Variants in PLA2G4B observed in about 807,000 individuals in gnomAD.
PLA2G4B encodes the protein phospholipase A2 group IVB.
Under a neutral mutation model 95.8 loss-of-function variants are expected in PLA2G4B, and 122 were observed. The observed-to-expected ratio is 1.27, with a 90% CI of 1.10 to 1.48. The LOEUF (loss-of-function observed/expected upper bound fraction) is 1.48, where lower values mean the gene tolerates loss of function less well. Among genes scored for constraint, PLA2G4B ranks in the 40% most tolerant of loss-of-function variants. The probability of loss-of-function intolerance (pLI) is 0.00; values close to 1 mark genes in which losing one functional copy is unlikely to be tolerated. For synonymous variants in PLA2G4B, 518 were observed against 421.5 expected, an observed-to-expected ratio of 1.23 and a Z score of -2.80; for missense variants, 1,158 against 996.2, an observed-to-expected ratio of 1.16 and a Z score of -2.19.
intron 11 of PLA2G4B, 47 bp downstream of exon 11, chr15:41,843,858 T>C: frequency 6.2e-7 from 1 of 1,602,410 alleles, no homozygotes; most frequent in Non-Finnish European, 8.5e-7. Context: ...TGCTTGGGCC[T>C]AGCTCCTGGT....
chr15:41,845,090 G>T lies in PLA2G4B; in HGVS notation c.1239+20G>T. On this transcript the variant is annotated intron_variant, in intron 13 of 19. Transcript: ENST00000458483. ...GATGAGGTGCGGGGGCTGCGGCCTG[G>T]GGGCAGAGCCAGGGCAAGGGCTGGA... 6.3e-7 allele frequency: 1 copy of T among 1,595,812 alleles called. No individual in the cohort carries two copies. The highest frequency in any genetic ancestry group is 8.6e-7 in the Non-Finnish European group (1 of 1,169,014).
chr15:41,847,232 C>G (rs1043426054), intron 18 of PLA2G4B, 105 bp from the exon 19 acceptor site: 4 of 1,479,592 alleles, frequency 2.7e-6, no homozygotes, highest in Non-Finnish European at 2.7e-6. Flanking sequence ...CCACTGGAGA[C>G]CGTTTTGGCA....
rs1326155251 is a variant in PLA2G4B, at chr15:41,840,779, C to G, written c.225C>G (p.Val75=). The G allele has an allele frequency of 3.1e-6, 5 of 1,613,686 alleles. No homozygotes were observed. The highest frequency in any genetic ancestry group is 3.3e-5 in the Admixed American group (2 of 60,006). Residue 75 remains valine, a synonymous_variant, in exon 4 of 20, where the codon GTC becomes GTG. Transcript: ENST00000458483. Reference sequence around the variant, plus strand: ...GTCACTCTTTTCCCCTCCAGAATGTCATGGAACTGAAAGTCTTTGACCAGG... The same window carrying G: ...GTCACTCTTTTCCCCTCCAGAATGTGATGGAACTGAAAGTCTTTGACCAGG... ...HFRIHRQLKN[V]MELKVFDQDL... is the part of the protein sequence containing the mutation.
rs182231677 is a variant in PLA2G4B, at chr15:41,841,467, C to T, written c.436-50C>T. 9.0e-4 allele frequency: 1,446 copies of T among 1,613,444 alleles called. 13 individuals are homozygous for T. Among genetic ancestry groups the T allele is most frequent in the South Asian group, 6.6e-3 (600 of 91,042 alleles). Reference sequence around the variant, plus strand: ...GCCAGGGTGCTGCGAGGGTGGGGTCCCTGAATGGGGGGTGGGGTTAGTGTC... The same window carrying T: ...GCCAGGGTGCTGCGAGGGTGGGGTCTCTGAATGGGGGGTGGGGTTAGTGTC... On this transcript the variant is annotated intron_variant, in intron 6 of 19. Coordinates refer to ENST00000458483, the MANE Select transcript of PLA2G4B (RefSeq NM_001114633.2).
In PLA2G4B at chr15:41,845,876, G is replaced by A. The variant is rs2065533130; in HGVS notation, c.1496-67G>A. The A allele has an allele frequency of 5.9e-6, 9 of 1,517,980 alleles. 1 individual carries two copies. The South Asian group carries it at 1.2e-4, about 20-fold the overall frequency. The allele number at this position is 1,517,980 out of a possible 1,614,324, so 94.0% of individuals were successfully genotyped here. Reference sequence around the variant, plus strand: ...CAGAAGAGTTTCCTGGGCCAGGACTGGCCATGGGGAAGGGTAGGATTGGGA... The same window carrying A: ...CAGAAGAGTTTCCTGGGCCAGGACTAGCCATGGGGAAGGGTAGGATTGGGA... On this transcript the variant is annotated intron_variant, in intron 15 of 19. Transcript: ENST00000458483.
At chr15:41,846,169 A>G (rs757611844) in intron 16 of PLA2G4B, 34 bp from the exon 17 acceptor site, 3 of 1,602,390 alleles carry the variant, frequency 1.9e-6, no homozygotes, top group East Asian at 2.2e-5. Context: ...ATAAAGGTGC[A>G]GGAGTCCCCA....
At position 41,847,712 on chromosome 15, in the gene PLA2G4B, C is replaced by T. The variant is rs1162772174; in HGVS notation, c.2198C>T (p.Pro733Leu). Reference protein sequence around the residue: ...GEVNLSSSDSPYHYTKVTYSQ... With the variant: ...GEVNLSSSDSLYHYTKVTYSQ... ...GTGAACCTGTCTTCATCGGACTCTC[C>T]CTACCACTACACGAAGGTGACCTAC... Residue 733 changes from proline to leucine, a missense_variant, in exon 20 of 20, where the codon CCC (proline) becomes CTC (leucine). Pro to Leu is a moderately conservative substitution (Grantham distance 98). Transcript: ENST00000458483. 5 of 1,613,532 alleles carry T rather than the reference C, an allele frequency of 3.1e-6. No homozygotes were observed. In the African/African-American group the frequency reaches 6.7e-5, roughly 22 times the overall value.
At position 41,846,399 on chromosome 15, in the gene PLA2G4B, A is replaced by AAAGT. The variant is rs1555458616; in HGVS notation, c.1780+18_1780+21dup. The AAAGT allele has an allele frequency of 1.3e-6, 2 of 1,594,626 alleles. No homozygotes were observed. The highest frequency in any genetic ancestry group is 3.4e-5 in the Admixed American group (2 of 59,516). ...CATGGAAAGGTACCTGCTTCTCTCC[A>AAAGT]AAGTCCTCCTGTGGCCACCTGAGCC... On this transcript the variant is annotated intron_variant, in intron 17 of 19. Transcript: ENST00000458483.
chr15:41,840,142 T>C lies in PLA2G4B; in HGVS notation c.10-16T>C, dbSNP rs922658486. 2.1e-5 allele frequency: 34 copies of C among 1,611,038 alleles called. No homozygotes were observed. Among genetic ancestry groups the C allele is most frequent in the Non-Finnish European group, 2.8e-5 (33 of 1,178,550 alleles). On this transcript the variant is annotated splice_polypyrimidine_tract_variant and intron_variant, in intron 1 of 19. Transcript: ENST00000458483. Reference sequence around the variant, plus strand: ...TCATCGGCCCGTAGCAGGTCTCCCCTCTCCCACCTCTGCAGGCAGAGGTGT... The same window carrying C: ...TCATCGGCCCGTAGCAGGTCTCCCCCCTCCCACCTCTGCAGGCAGAGGTGT...
chr15:41,842,148 T>TCA, intron 8 of PLA2G4B, 45 bp from the exon 9 acceptor site: 1 of 1,609,348 alleles, frequency 6.2e-7, no homozygotes, highest in Non-Finnish European at 8.5e-7. Flanking sequence ...TTGCTAGGAG[T>TCA]GGAAGCGTAA....
intron 1 of PLA2G4B, 39 bp downstream of exon 1, chr15:41,838,961 C>T: frequency 6.6e-7 from 1 of 1,517,882 alleles, no homozygotes. Context: ...ACTGGGACCC[C>T]TGGTCTCTAC....
At position 41,846,362 on chromosome 15, in the gene PLA2G4B, C is replaced by CTCACT; in HGVS notation, c.1763_1767dup (p.Ser590ThrfsTer17). ...TTCCACAAAGACTACTTTCAGCATCCTCACTTCTCCACATGGAAAGGTACC... is the reference window on the plus strand; with the variant it reads ...TTCCACAAAGACTACTTTCAGCATCCTCACTTCACTTCTCCACATGGAAAGGTACC... On this transcript the variant is annotated frameshift_variant, in exon 17 of 20. Transcript: ENST00000458483. LOFTEE classifies it high-confidence loss of function. The CTCACT allele has an allele frequency of 2.5e-6, 4 of 1,607,052 alleles. No individual in the cohort carries two copies. Among genetic ancestry groups the CTCACT allele is most frequent in the Non-Finnish European group, 3.4e-6 (4 of 1,173,864 alleles).
At position 41,847,646 on chromosome 15, in the gene PLA2G4B, C is replaced by T. The variant is rs766967556; in HGVS notation, c.2135-3C>T. On this transcript the variant is annotated splice_region_variant and splice_polypyrimidine_tract_variant and intron_variant, in intron 19 of 19. Coordinates refer to ENST00000458483, the MANE Select transcript of PLA2G4B (RefSeq NM_001114633.2). ...CCCATGCCAGGCTGCACTCTCTCCA[C>T]AGGGGTCCGGCGGACACCCGAGGAG... The T allele has an allele frequency of 6.2e-7, 1 of 1,613,628 alleles. No homozygotes were observed. Among genetic ancestry groups the T allele is most frequent in the East Asian group, 2.2e-5 (1 of 44,890 alleles).
intron 14 of PLA2G4B, 112 bp downstream of exon 14, chr15:41,845,432 C>T (rs573213543): frequency 1.9e-4 from 277 of 1,477,052 alleles, no homozygotes; most frequent in African/African-American, 1.7e-3. Context: ...AGCCAGGTCC[C>T]GTGCTTTCTG....
intron 2 of PLA2G4B, 22 bp downstream of exon 2, chr15:41,840,252 C>G (rs369389884): frequency 6.2e-7 from 1 of 1,611,882 alleles, no homozygotes; most frequent in African/African-American, 1.3e-5. Context: ...CCGCCCTGGC[C>G]CCTGTGCTGG....
intron 14 of PLA2G4B, 40 bp downstream of exon 14, chr15:41,845,360 G>C (rs2065518746): frequency 6.2e-7 from 1 of 1,601,684 alleles, no homozygotes; most frequent in African/African-American, 1.3e-5. Flanking sequence ...CCTTGCAGTT[G>C]GTGGAATAAG....
rs1482086986 is a variant in PLA2G4B at position 41,846,004 on chromosome 15, C to T, written c.1557C>T (p.Pro519=). Residue 519 remains proline (P), a synonymous_variant, in exon 16 of 20, where the codon CCC becomes CCT. Coordinates refer to ENST00000458483, the MANE Select transcript of PLA2G4B (RefSeq NM_001114633.2). ...LQDSLYWASE[P]SQFWDRWVRN... is the part of the protein sequence containing the mutation. Reference sequence around the variant, plus strand: ...ACAGCTTATACTGGGCCTCAGAGCCCAGCCAGTTCTGGGACCGCTGGGTCA... The same window carrying T: ...ACAGCTTATACTGGGCCTCAGAGCCTAGCCAGTTCTGGGACCGCTGGGTCA... 2 of 1,527,504 alleles carry T rather than the reference C, an allele frequency of 1.3e-6. No homozygotes were observed. The highest frequency in any genetic ancestry group is 8.8e-7 in the Non-Finnish European group (1 of 1,138,226). 94.6% of individuals were successfully genotyped at this position (1,527,504 alleles called of 1,614,324 possible).
intron 2 of PLA2G4B, 103 bp from the exon 3 acceptor site, chr15:41,840,421 C>A: frequency 6.3e-7 from 1 of 1,599,884 alleles, no homozygotes; most frequent in South Asian, 1.1e-5. Context: ...TTCCCCTCCC[C>A]CTCAGTCTTA....
At position 41,846,242 on chromosome 15, in the gene PLA2G4B, C is replaced by A. The variant is rs758819963; in HGVS notation, c.1640C>A (p.Pro547His). 6.2e-7 allele frequency: 1 copy of A among 1,614,048 alleles called. No homozygotes were observed. The highest frequency in any genetic ancestry group is 1.3e-5 in the African/African-American group (1 of 75,054). ...CCCCTTCTGAAGATAGAAGAACCAC[C>A]CTCAACAGCCGGCAGGATAGCTGAG... is the stretch of plus-strand genomic sequence containing the variant. Reference protein sequence around the residue: ...QVPLLKIEEPPSTAGRIAEFF... With the variant: ...QVPLLKIEEPHSTAGRIAEFF... Residue 547 changes from proline to histidine, a missense_variant, in exon 17 of 20, where the codon CCC becomes CAC. Physicochemically the swap from Pro to His is moderately conservative, Grantham distance 77. Coordinates refer to ENST00000458483, the MANE Select transcript of PLA2G4B (RefSeq NM_001114633.2).
Sources: gnomAD v4.1 joint callset for allele counts on GRCh38, gnomAD v4.1.1 for gene constraint, MANE v1.5 for transcripts, NCBI Gene and HGNC (gene_info 2026-07-23, HGNC 2026-07-21) for gene names.